Variants in COL12A1 observed in about 807,000 individuals in gnomAD.
The protein encoded by COL12A1 is collagen alpha-1(XII) chain.
A neutral mutation model predicts 349.7 loss-of-function variants in COL12A1; 114 were observed. The observed-to-expected ratio is 0.33, with a 90% CI of 0.28 to 0.38. The LOEUF (loss-of-function observed/expected upper bound fraction) is 0.38. Ranked by LOEUF, COL12A1 falls within the 10% of genes least tolerant of loss-of-function variation. The pLI is 1.00. For missense variants in COL12A1, 3,284 were observed against 3,756.9 expected, an observed-to-expected ratio of 0.87 and a Z score of 3.29; for synonymous variants, 1,369 against 1,329.0, an observed-to-expected ratio of 1.03 and a Z score of -0.66.
intron 10 of COL12A1, among the ~76,000 whole-genome samples, chr6:75,181,927 C>CAAAAAAAAAAAAAAAAAAAAAAA (rs547248236): frequency 1.4e-5 from 2 of 139,276 alleles, no homozygotes; most frequent in African/African-American, 5.3e-5. Context: ...CCGTCTCTAC[C>CAAAAAAAAAAAAAAAAAAAAAAA]AAAAAAAAAA....
chr6:75,175,407 A>G (rs922022790), intron 12 of COL12A1, 97 bp from the exon 13 acceptor site: 3 of 1,365,916 alleles, frequency 2.2e-6, no homozygotes, highest in Non-Finnish European at 3.0e-6. Context: ...CACTACATCA[A>G]AGTTATATCC....
At chr6:75,173,381 A>ATT (rs947182695) in intron 13 of COL12A1, among the ~76,000 whole-genome samples, 5 of 146,258 alleles carry the variant, frequency 3.4e-5, no homozygotes, top group African/African-American at 1.2e-4. Context: ...TATTATTATT[A>ATT]TTTTTTTTTT....
Position 75,145,954 on chromosome 6 carries a change from T to C in COL12A1, c.4560+148A>G, listed in dbSNP as rs975542460. On this transcript the variant is annotated intron_variant, in intron 24 of 65. Transcript: ENST00000322507. ...CAGTCCATGCCAATGTTTTCTACAA[T>C]GTGTTGCAGACCACAAACCTACTTT... is the stretch of plus-strand genomic sequence containing the variant. 10 of 830,972 alleles carry C rather than the reference T, an allele frequency of 1.2e-5. No individual in the cohort carries two copies. In the East Asian group the frequency reaches 1.4e-4, roughly 12 times the overall value. The allele number at this position is 830,972 out of a possible 1,614,324, so 51.5% of individuals were successfully genotyped here.
chr6:75,121,043 G>A (rs1486097165), intron 44 of COL12A1, among the ~76,000 whole-genome samples: 3 of 152,138 alleles, frequency 2.0e-5, no homozygotes, highest in Non-Finnish European at 4.4e-5. Flanking sequence ...TAAGCAGGAA[G>A]TTAGAGTCCC....
Position 75,117,399 on chromosome 6 carries a change from C to T in COL12A1, c.7502G>A (p.Cys2501Tyr). The change falls in exon 47 of 66, where the codon TGT (cysteine) becomes TAT (tyrosine). Residue 2501 changes from cysteine to tyrosine, a missense_variant. By Grantham distance (194) the Cys-to-Tyr change is radical (BLOSUM62 -2). Coordinates refer to ENST00000322507, the MANE Select transcript of COL12A1 (RefSeq NM_004370.6). ...TGACTTACTTGAAGTGGCAGTTTCA[C>T]AAACAAATGTAATAAGATTGTCTTC... ...KIEDNLITFV[C>Y]ETATSSCPLI... 1 of 1,613,318 alleles carries T rather than the reference C, an allele frequency of 6.2e-7. No homozygotes were observed. The highest frequency in any genetic ancestry group is 8.5e-7 in the Non-Finnish European group (1 of 1,179,410).
At chr6:75,190,933 G>C (rs1020981836) in intron 5 of COL12A1, among the ~76,000 whole-genome samples, 33 of 151,708 alleles carry the variant, frequency 2.2e-4, no homozygotes, top group Admixed American at 2.2e-3. Flanking sequence ...TGATCTGGAG[G>C]GGATACTTCC....
intron 2 of COL12A1, among the ~76,000 whole-genome samples, chr6:75,199,750 A>G (rs1342561911): frequency 1.3e-5 from 2 of 152,216 alleles, no homozygotes; most frequent in Non-Finnish European, 2.9e-5. Context: ...GCTAAAAATT[A>G]TAGATACTGA....
chr6:75,171,430 T>C (rs1768628332), intron 13 of COL12A1, among the ~76,000 whole-genome samples: 1 of 152,154 alleles, frequency 6.6e-6, no homozygotes, highest in African/African-American at 2.4e-5. Context: ...TACTAGGAAA[T>C]AGATTCAAGT....
rs549738111 is a variant in COL12A1 at position 75,110,552 on chromosome 6, A to G, written c.7951-1385T>C. ...GTTGGTCCCAGACCAGTAGAAAAAAATAGGGACCCTCTTGTCACTCATCTC... is the reference window on the plus strand; with the variant it reads ...GTTGGTCCCAGACCAGTAGAAAAAAGTAGGGACCCTCTTGTCACTCATCTC... On this transcript the variant is annotated intron_variant, in intron 51 of 65. Coordinates refer to ENST00000322507, the MANE Select transcript of COL12A1 (RefSeq NM_004370.6). Among the ~76,000 whole-genome samples, 12 of 152,096 alleles carry G rather than the reference A, an allele frequency of 7.9e-5. No homozygotes were observed. The East Asian group carries it at 2.1e-3, about 27-fold the overall frequency.
chr6:75,140,874 T>C (rs961273188), intron 27 of COL12A1, among the ~76,000 whole-genome samples: 1 of 152,054 alleles, frequency 6.6e-6, no homozygotes, highest in Non-Finnish European at 1.5e-5. Context: ...CTGTCCATAA[T>C]GGAAACCACT....
intron 60 of COL12A1, among the ~76,000 whole-genome samples, chr6:75,093,331 A>G (rs1235894265): frequency 2.6e-5 from 4 of 152,340 alleles, no homozygotes; most frequent in Admixed American, 2.6e-4. Flanking sequence ...TCATGGAAAC[A>G]TCTCCTATAG....
intron 56 of COL12A1, 131 bp from the exon 57 acceptor site, chr6:75,102,183 G>A: frequency 2.4e-6 from 2 of 830,786 alleles, no homozygotes; most frequent in South Asian, 3.5e-5. Flanking sequence ...GAGCACAGAA[G>A]GGTATTTTTG....
intron 12 of COL12A1, among the ~76,000 whole-genome samples, chr6:75,177,103 T>G (rs1395265839): frequency 6.6e-6 from 1 of 152,186 alleles, no homozygotes; most frequent in Non-Finnish European, 1.5e-5. Flanking sequence ...ATAATATTAT[T>G]TTTAAAAGAA....
At chr6:75,180,050 A>C (rs1769183953) in intron 11 of COL12A1, among the ~76,000 whole-genome samples, 2 of 152,190 alleles carry the variant, frequency 1.3e-5, no homozygotes, top group African/African-American at 2.4e-5. Context: ...AGTCCCAGCT[A>C]CTCAGGAAGC....
chr6:75,137,004 A>G, intron 31 of COL12A1, among the ~76,000 whole-genome samples: 1 of 152,194 alleles, frequency 6.6e-6, no homozygotes. Context: ...ACACCCTATG[A>G]CATGCAAAAA....
rs547526979 is a variant in COL12A1 at position 75,146,128 on chromosome 6, C to T, written c.4534G>A (p.Asp1512Asn). 1.9e-6 allele frequency: 3 copies of T among 1,608,978 alleles called. No individual in the cohort carries two copies. Among genetic ancestry groups the T allele is most frequent in the Middle Eastern group, 1.7e-4 (1 of 6,022 alleles). The change falls in exon 24 of 66, where the codon GAC becomes AAC. Residue 1512 changes from aspartate to asparagine, a missense_variant. Physicochemically the swap from Asp to Asn is conservative, Grantham distance 23. Around this residue, in one of 2 missense-constraint regions of COL12A1, gnomAD observed 2,601 missense variants for 2,824.8 expected, o/e 0.92. Transcript: ENST00000322507. ...TCTTTGGGTCTTGTTGGCTCTGTGT[C>T]CTTAACAGGTTTGTATGACAAGATG... The part of the protein sequence containing the change: ...GYILSYKPVK[D>N]TEPTRPKEVR...
intron 2 of COL12A1, 70 bp from the exon 3 acceptor site, chr6:75,195,017 A>G (rs1770147093): frequency 1.2e-6 from 1 of 867,890 alleles, no homozygotes; most frequent in Admixed American, 2.4e-5. Context: ...TTAATAAAGA[A>G]TTGTGTTGAG....
At chr6:75,143,544 C>T (rs1335426225) in intron 25 of COL12A1, among the ~76,000 whole-genome samples, 156 bp from the exon 26 acceptor site, 1 of 152,086 alleles carries the variant, frequency 6.6e-6, no homozygotes, top group East Asian at 1.9e-4. Context: ...TACCATGATT[C>T]TACCAGATAG....
At chr6:75,134,924 C>G in intron 31 of COL12A1, 69 bp from the exon 32 acceptor site, 1 of 1,509,016 alleles carries the variant, frequency 6.6e-7, no homozygotes, top group South Asian at 1.4e-5. Context: ...TTAGAAAAAG[C>G]TCTTTCTACA....
Sources: gnomAD v4.1 joint callset for allele counts (sites outside exome capture counted in the v4.1 genomes callset) on GRCh38, gnomAD v4.1.1 for gene constraint, gnomAD v4.1.1 regional missense constraint, MANE v1.5 for transcripts, NCBI Gene and HGNC (gene_info 2026-07-23, HGNC 2026-07-21) for gene names.